NVL: variants seen among roughly 807,000 people sequenced by gnomAD.
NVL encodes nuclear VCP like, also known as nuclear valosin-containing protein-like.
NVL carries 84 observed loss-of-function variants against 110.2 expected under a neutral mutation model. The observed-to-expected ratio is 0.76, with a 90% CI of 0.64 to 0.91. The LOEUF (loss-of-function observed/expected upper bound fraction) is 0.91, where lower values mean the gene tolerates loss of function less well. Among genes scored for constraint, NVL ranks in the 40% least tolerant of loss-of-function variants. The pLI is 0.00. For synonymous variants in NVL, 354 were observed against 361.1 expected (o/e 0.98, Z 0.22); for missense variants, 882 against 1,035.9 (o/e 0.85, Z 2.04).
chr1:224,268,812 C>T (rs574103827), intron 17 of NVL, among the ~76,000 whole-genome samples: 6 of 152,126 alleles, frequency 3.9e-5, no homozygotes, highest in East Asian at 3.9e-4. Context: ...GCGTATGCCA[C>T]GATGCCTGGC....
intron 18 of NVL, among the ~76,000 whole-genome samples, chr1:224,251,254 A>G (rs1662454270): frequency 7.4e-6 from 1 of 135,130 alleles, no homozygotes; most frequent in African/African-American, 2.6e-5. Flanking sequence ...AGCCTGGCCA[A>G]CAGAGTGATA....
At chr1:224,294,216 T>C (rs763011920) in intron 12 of NVL, 51 bp downstream of exon 12, 2 of 1,590,906 alleles carry the variant, frequency 1.3e-6, no homozygotes, top group South Asian at 2.2e-5. Flanking sequence ...TTTCAAACCA[T>C]TCAGTTAAGA....
intron 4 of NVL, among the ~76,000 whole-genome samples, chr1:224,312,298 A>AACAAATTCACAAAGTCAACATG (rs1669600778): frequency 1.3e-5 from 2 of 152,226 alleles, no homozygotes; most frequent in Admixed American, 6.5e-5. Context: ...TACTCTGAGT[A>AACAAATTCACAAAGTCAACATG]ACAAATTCAC....
At chr1:224,273,286 G>A (rs1313666728) in intron 17 of NVL, among the ~76,000 whole-genome samples, 3 of 151,684 alleles carry the variant, frequency 2.0e-5, no homozygotes, top group African/African-American at 4.8e-5. Context: ...GGTAGCAGGC[G>A]CCTGTAATCT....
intron 20 of NVL, among the ~76,000 whole-genome samples, chr1:224,236,240 G>T (rs1660456026): frequency 6.6e-6 from 1 of 152,178 alleles, no homozygotes; most frequent in African/African-American, 2.4e-5. Flanking sequence ...AGTACAATTT[G>T]TAAAGGACAG....
In NVL at chr1:224,255,252, C is replaced by G. The variant is rs925505973; in HGVS notation, c.2183-4934G>C. ...CCGTCCAGGCTGGAATGCAGTGGTG[C>G]GATCTTGGCTCACGGCAAGCTCCAC... is the stretch of plus-strand genomic sequence containing the variant. On this transcript the variant is annotated intron_variant, in intron 18 of 22. Transcript: ENST00000281701. Among the ~76,000 whole-genome samples, 4 of 123,152 alleles carry G rather than the reference C, an allele frequency of 3.2e-5. No homozygotes were observed. The South Asian group carries it at 8.7e-4, about 27-fold the overall frequency. The allele number at this position is 123,152 out of a possible 152,430, so 80.8% of individuals were successfully genotyped here.
chr1:224,321,538 G>A (rs368695597), intron 2 of NVL, among the ~76,000 whole-genome samples: 15 of 152,088 alleles, frequency 9.9e-5, no homozygotes, highest in South Asian at 6.2e-4. Context: ...CCAACATGGC[G>A]AAACCACATC....
intron 18 of NVL, among the ~76,000 whole-genome samples, chr1:224,256,310 A>G (rs1448113527): frequency 4.6e-5 from 7 of 151,906 alleles, no homozygotes; most frequent in Admixed American, 3.3e-4. Context: ...CTGCAATCCC[A>G]GCTACTCGGG....
At chr1:224,230,993 G>A (rs1298271117) in intron 22 of NVL, among the ~76,000 whole-genome samples, 1 of 151,620 alleles carries the variant, frequency 6.6e-6, no homozygotes, top group Non-Finnish European at 1.5e-5. Context: ...ATTAGCCGGG[G>A]ATGGTGGCGG....
At chr1:224,232,632 T>G (rs901485964) in intron 21 of NVL, among the ~76,000 whole-genome samples, 2 of 152,120 alleles carry the variant, frequency 1.3e-5, no homozygotes, top group Admixed American at 1.3e-4. Flanking sequence ...AGTGCTGGGA[T>G]TACAGATGTG....
At chr1:224,282,040 G>A (rs78107050) in intron 15 of NVL, among the ~76,000 whole-genome samples, 7,107 of 149,756 alleles carry the variant, frequency 0.047, 190 homozygotes, top group East Asian at 0.098. Flanking sequence ...ATGTGTTAAC[G>A]TACAACTTTT....
At chr1:224,250,377 T>G in intron 18 of NVL, 59 bp from the exon 19 acceptor site, 1 of 1,419,668 alleles carries the variant, frequency 7.0e-7, no homozygotes, top group Non-Finnish European at 9.3e-7. Context: ...ATTTTTTTAT[T>G]TTTTTGAGAG....
At chr1:224,316,278 T>C (rs990505885) in intron 4 of NVL, among the ~76,000 whole-genome samples, 2 of 152,132 alleles carry the variant, frequency 1.3e-5, no homozygotes, top group Non-Finnish European at 2.9e-5. Flanking sequence ...ACAACATTGA[T>C]AAATCTCAAA....
chr1:224,233,530 T>C (rs376098784), intron 20 of NVL, among the ~76,000 whole-genome samples: 124 of 152,138 alleles, frequency 8.2e-4, no homozygotes, highest in South Asian at 6.2e-3. Flanking sequence ...GAGGCCGAGG[T>C]GGGTGGATCA....
At chr1:224,250,869 C>CA (rs1662397946) in intron 18 of NVL, among the ~76,000 whole-genome samples, 1 of 152,158 alleles carries the variant, frequency 6.6e-6, no homozygotes. Context: ...GTTGCCCAGG[C>CA]TAGTCTTGAA....
chr1:224,286,802 C>T (rs1377952669), intron 14 of NVL, among the ~76,000 whole-genome samples: 1 of 151,984 alleles, frequency 6.6e-6, no homozygotes, highest in Non-Finnish European at 1.5e-5. Context: ...GACTATAATC[C>T]CAGTGTATTT....
rs778349529 is a variant in NVL, at chr1:224,280,501, C to T, written c.1962+622G>A. On this transcript the variant is annotated intron_variant, in intron 16 of 22. Transcript: ENST00000281701. ...TCAAAACCAAGTACAAGAAAAGTTA[C>T]GAGGTATGTAAAAAGCCCATAGGAA... 5.9e-5 allele frequency among the ~76,000 whole-genome samples: 9 copies of T among 151,680 alleles called. No homozygotes were observed. The South Asian group carries it at 1.0e-3, about 18-fold the overall frequency.
At chr1:224,227,737 C>T in intron 22 of NVL, 67 bp from the exon 23 acceptor site, 1 of 1,479,004 alleles carries the variant, frequency 6.8e-7, no homozygotes, top group Admixed American at 1.8e-5. Flanking sequence ...TGGTGCCCCC[C>T]AAAATTCACA....
At chr1:224,290,587 G>C (rs1402274115) in intron 12 of NVL, among the ~76,000 whole-genome samples, 1 of 152,090 alleles carries the variant, frequency 6.6e-6, no homozygotes, top group Non-Finnish European at 1.5e-5. Flanking sequence ...CAGATCACGA[G>C]GTCAGGAGAT....
Sources: gnomAD v4.1 joint callset for allele counts (sites outside exome capture counted in the v4.1 genomes callset) on GRCh38, gnomAD v4.1.1 for gene constraint, MANE v1.5 for transcripts, NCBI Gene and HGNC (gene_info 2026-07-23, HGNC 2026-07-21) for gene names.